ULK4: variants seen among roughly 807,000 people sequenced by gnomAD.
ULK4 encodes the protein unc-51 like kinase 4.
Under a neutral mutation model 160.6 loss-of-function variants are expected in ULK4, and 133 were observed. That is an observed-to-expected ratio of 0.83 (90% CI 0.72 to 0.96). The LOEUF (loss-of-function observed/expected upper bound fraction) is 0.96. Ranked by LOEUF, ULK4 falls within the 40% of genes least tolerant of loss-of-function variation. The pLI, the probability that ULK4 is intolerant of heterozygous loss-of-function variation, is 0.00. For synonymous variants in ULK4, 534 were observed against 539.8 expected, an observed-to-expected ratio of 0.99 and a Z score of 0.15; for missense variants, 1,580 against 1,499.5, an observed-to-expected ratio of 1.05 and a Z score of -0.89.
intron 35 of ULK4, among the ~76,000 whole-genome samples, chr3:41,284,804 C>A (rs2079427223): frequency 6.6e-6 from 1 of 151,944 alleles, no homozygotes; most frequent in African/African-American, 2.4e-5. Flanking sequence ...GCAGAGTAAA[C>A]AGAAAATTCA....
At chr3:41,742,700 T>C (rs188062229) in intron 22 of ULK4, among the ~76,000 whole-genome samples, 1 of 152,096 alleles carries the variant, frequency 6.6e-6, no homozygotes, top group Admixed American at 6.5e-5. Context: ...ATCATAAAAA[T>C]GTTTCAAAAA....
intron 16 of ULK4, among the ~76,000 whole-genome samples, chr3:41,885,412 A>G (rs1241688040): frequency 6.6e-6 from 1 of 152,202 alleles, no homozygotes; most frequent in East Asian, 1.9e-4. Context: ...CAAGTACCAC[A>G]TACCCTATAT....
chr3:41,830,130 T>A (rs1211244051), intron 18 of ULK4, among the ~76,000 whole-genome samples: 3 of 151,864 alleles, frequency 2.0e-5, no homozygotes, highest in Non-Finnish European at 4.4e-5. Context: ...GGAACATCAC[T>A]CTCTGGGGAC....
chr3:41,652,750 T>A (rs377363711), intron 30 of ULK4, among the ~76,000 whole-genome samples: 1 of 152,150 alleles, frequency 6.6e-6, no homozygotes, highest in Admixed American at 6.5e-5. Context: ...TGTTGAGAAA[T>A]TGGACTGTTC....
chr3:41,451,983 C>T (rs1285685855), intron 34 of ULK4, among the ~76,000 whole-genome samples: 3 of 152,086 alleles, frequency 2.0e-5, no homozygotes, highest in Non-Finnish European at 4.4e-5. Context: ...TATTTAAATG[C>T]AAAATCCTCA....
chr3:41,954,094 C>T (rs566392658), intron 2 of ULK4, among the ~76,000 whole-genome samples: 5 of 149,016 alleles, frequency 3.4e-5, no homozygotes, highest in South Asian at 2.1e-4. Flanking sequence ...AGGAGAATGG[C>T]GTGAACCCGG....
At chr3:41,430,337 CT>C (rs1248279997) in intron 34 of ULK4, among the ~76,000 whole-genome samples, 1 of 152,152 alleles carries the variant, frequency 6.6e-6, no homozygotes, top group African/African-American at 2.4e-5. Context: ...GCTTTATAAA[CT>C]AATGGTTCAT....
intron 31 of ULK4, among the ~76,000 whole-genome samples, chr3:41,605,680 C>G (rs1356127482): frequency 1.3e-5 from 2 of 152,008 alleles, no homozygotes; most frequent in Non-Finnish European, 1.5e-5. Context: ...TGTCACCCCT[C>G]TCTCAATGAG....
At position 41,641,741 on chromosome 3, in the gene ULK4, T is replaced by C. The variant is rs1026544796; in HGVS notation, c.3071+21866A>G. On this transcript the variant is annotated intron_variant, in intron 30 of 36. Transcript: ENST00000301831. ...AAGTAAATTTAGTAAATTCTGAACA[T>C]GCTTAAACGATTTATGAGAGGAAAT... is the stretch of plus-strand genomic sequence containing the variant. Among the ~76,000 whole-genome samples, 39 of 152,136 alleles carry C rather than the reference T, an allele frequency of 2.6e-4. 1 individual carries two copies. The Middle Eastern group carries it at 0.017, about 67-fold the overall frequency.
intron 35 of ULK4, among the ~76,000 whole-genome samples, chr3:41,292,024 G>A (rs1369442277): frequency 3.3e-5 from 5 of 151,596 alleles, no homozygotes; most frequent in African/African-American, 7.3e-5. Context: ...TAGTAGAGAC[G>A]GGGTTTCACC....
chr3:41,636,319 G>A (rs2033947554), intron 30 of ULK4, among the ~76,000 whole-genome samples: 1 of 152,124 alleles, frequency 6.6e-6, no homozygotes, highest in Admixed American at 6.5e-5. Context: ...TGGATTACTT[G>A]AGTCCAAGAG....
chr3:41,813,283 C>T (rs1317108958), intron 19 of ULK4, among the ~76,000 whole-genome samples: 1 of 151,996 alleles, frequency 6.6e-6, no homozygotes, highest in Non-Finnish European at 1.5e-5. Context: ...TGCACACATA[C>T]CCTAGAACTT....
At chr3:41,409,685 G>A (rs1012304645) in intron 34 of ULK4, among the ~76,000 whole-genome samples, 5 of 152,110 alleles carry the variant, frequency 3.3e-5, no homozygotes, top group East Asian at 1.9e-4. Context: ...AAAGTGGCTC[G>A]CACCTGTAAT....
At chr3:41,747,370 T>C (rs1443218226) in intron 22 of ULK4, among the ~76,000 whole-genome samples, 1 of 151,950 alleles carries the variant, frequency 6.6e-6, no homozygotes, top group Non-Finnish European at 1.5e-5. Context: ...AAGTCTCTGA[T>C]AACTTCCTCG....
intron 34 of ULK4, among the ~76,000 whole-genome samples, chr3:41,447,995 C>T (rs1434149876): frequency 1.3e-5 from 2 of 152,170 alleles, no homozygotes. Context: ...GACAAATTCT[C>T]TGAATAAATT....
Position 41,912,705 on chromosome 3 carries a change from G to A in ULK4, c.896+102C>T, listed in dbSNP as rs577687194. ...CAAACGCTGGATTTTCTCCTACTAC[G>A]AAAGCAGAGAAATTCCAGTCATTGA... is the stretch of plus-strand genomic sequence containing the variant. On this transcript the variant is annotated intron_variant, in intron 9 of 36. Coordinates refer to ENST00000301831, the MANE Select transcript of ULK4 (RefSeq NM_017886.4). 21 of 1,020,556 alleles carry A rather than the reference G, an allele frequency of 2.1e-5. No individual in the cohort carries two copies. In the East Asian group the frequency reaches 3.7e-4, roughly 18 times the overall value. 63.2% of individuals were successfully genotyped at this position (1,020,556 alleles called of 1,614,324 possible).
At chr3:41,662,321 T>G (rs2035204886) in intron 30 of ULK4, among the ~76,000 whole-genome samples, 1 of 152,098 alleles carries the variant, frequency 6.6e-6, no homozygotes, top group African/African-American at 2.4e-5. Flanking sequence ...TGGCTCAGAA[T>G]AGATGGTAGT....
Position 41,431,547 on chromosome 3 carries a change from C to CCTTTT in ULK4, c.3492+23949_3492+23950insAAAAG, listed in dbSNP as rs563543377. 5.2e-4 allele frequency among the ~76,000 whole-genome samples: 50 copies of CCTTTT among 95,858 alleles called. 1 individual carries two copies. Among genetic ancestry groups the CCTTTT allele is most frequent in the Non-Finnish European group, 7.7e-4 (38 of 49,610 alleles). 62.9% of individuals were successfully genotyped at this position (95,858 alleles called of 152,430 possible). A position where few individuals can be genotyped will look rare whatever the true frequency, so the allele number is the denominator to read the frequency against. On this transcript the variant is annotated intron_variant, in intron 34 of 36. Coordinates refer to ENST00000301831, the MANE Select transcript of ULK4 (RefSeq NM_017886.4). ...CCTGTGAGGTGTTGTAATTCCCTCC[C>CCTTTT]TTTTTTTTTTTTTTTGATGTGGAAA...
intron 34 of ULK4, among the ~76,000 whole-genome samples, chr3:41,434,902 T>G (rs1368551962): frequency 6.6e-6 from 1 of 152,242 alleles, no homozygotes; most frequent in East Asian, 1.9e-4. Context: ...ATTTTTCCCA[T>G]AGCGATCACT....
Sources: gnomAD v4.1 joint callset for allele counts (sites outside exome capture counted in the v4.1 genomes callset) on GRCh38, gnomAD v4.1.1 for gene constraint, MANE v1.5 for transcripts, NCBI Gene and HGNC (gene_info 2026-07-23, HGNC 2026-07-21) for gene names.